PHACTR2: variants seen among roughly 807,000 people sequenced by gnomAD.
PHACTR2 encodes the protein chromosome 6 open reading frame 56.
Under a neutral mutation model 76.0 loss-of-function variants are expected in PHACTR2, and 30 were observed. That is an observed-to-expected ratio of 0.39 (90% confidence interval 0.30 to 0.54). PHACTR2 has a LOEUF of 0.54. Ranked by LOEUF, PHACTR2 falls within the 20% of genes least tolerant of loss-of-function variation. PHACTR2 has a pLI of 0.61. For synonymous variants in PHACTR2, 292 were observed against 292.5 expected (o/e 1.00, Z 0.02); for missense variants, 696 against 781.1 (o/e 0.89, Z 1.30).
In PHACTR2 at chr6:143,807,052, T is replaced by A. The variant is rs1260348156; in HGVS notation, c.1846-5T>A. ...TTCTGTTTATCTATTTTTTTTCCTG[T>A]TTAGGCAGCAATAAGGAAAGAACTA... On this transcript the variant is annotated splice_polypyrimidine_tract_variant and splice_region_variant and intron_variant, in intron 11 of 12. Transcript: ENST00000440869. This position sits in a 1 kb window ranked among gnomAD's most constrained non-coding sequence, Gnocchi z 5.5. 6.4e-7 allele frequency: 1 copy of A among 1,553,858 alleles called. No homozygotes were observed. The highest frequency in any genetic ancestry group is 1.1e-5 in the South Asian group (1 of 89,228).
At chr6:143,711,389 T>C (rs1778173661) in intron 1 of PHACTR2, among the ~76,000 whole-genome samples, 1 of 152,202 alleles carries the variant, frequency 6.6e-6, no homozygotes, top group African/African-American at 2.4e-5. Flanking sequence ...TTTCTTCTGA[T>C]TAATAAAATA....
At chr6:143,685,410 A>G (rs2128454401) in intron 1 of PHACTR2, among the ~76,000 whole-genome samples, 1 of 152,276 alleles carries the variant, frequency 6.6e-6, no homozygotes, top group East Asian at 1.9e-4. Context: ...ATAAGCAACC[A>G]CATAGGAAAA....
rs113322183 is a variant in PHACTR2 at position 143,783,980 on chromosome 6, C to G, written c.1707+700C>G. ...GACCAGCCTGGACAACATAGTGAGA[C>G]CTTGTTTCAAAAAAAAAGAATTAAT... On this transcript the variant is annotated intron_variant, in intron 10 of 12. Coordinates refer to ENST00000440869, the MANE Select transcript of PHACTR2 (RefSeq NM_001100164.2). This position sits in a 1 kb window ranked among gnomAD's most constrained non-coding sequence, Gnocchi z 5.2. Among the ~76,000 whole-genome samples the G allele has an allele frequency of 0.012, 1,849 of 150,038 alleles. 41 individuals are homozygous for G. The highest frequency in any genetic ancestry group is 0.044 in the African/African-American group (1,788 of 40,708).
rs899283133 is a variant in PHACTR2, at chr6:143,698,374, T to A, written c.47-13642T>A. Among the ~76,000 whole-genome samples the A allele has an allele frequency of 4.6e-5, 7 of 152,236 alleles. No homozygotes were observed. Among genetic ancestry groups the A allele is most frequent in the African/African-American group, 1.4e-4 (6 of 41,458 alleles). ...CATCATTATTATAAAATTATTTTTTTAAAAAGCAACTAGTGGAATTGTTTC... is the reference window on the plus strand; with the variant it reads ...CATCATTATTATAAAATTATTTTTTAAAAAAGCAACTAGTGGAATTGTTTC... On this transcript the variant is annotated intron_variant, in intron 1 of 12. Transcript: ENST00000440869. This position sits in a 1 kb window ranked among gnomAD's most constrained non-coding sequence, Gnocchi z 4.3.
rs1240147409 is a variant in PHACTR2, at chr6:143,822,638, T to C, written c.1923-1036T>C. Among the ~76,000 whole-genome samples the C allele has an allele frequency of 6.6e-6, 1 of 152,220 alleles. No individual in the cohort carries two copies. Among genetic ancestry groups the C allele is most frequent in the East Asian group, 1.9e-4 (1 of 5,196 alleles). ...GGGACAGGGAAACCAATTAGGAGAC[T>C]GGCTGACCAGAGCAGATGAGCATTC... On this transcript the variant is annotated intron_variant, in intron 12 of 12. Coordinates refer to ENST00000440869, the MANE Select transcript of PHACTR2 (RefSeq NM_001100164.2). The surrounding 1 kb of genome is among the most constrained non-coding windows in gnomAD (Gnocchi z 5.5).
At position 143,738,601 on chromosome 6, in the gene PHACTR2, C is replaced by G. The variant is rs950030163; in HGVS notation, c.215-10384C>G. ...CCCATCTCTTAAAAAAAATACAAAA[C>G]AAAAATTAGCTGGGCATGGTGGTGC... On this transcript the variant is annotated intron_variant, in intron 2 of 12. Coordinates refer to ENST00000440869, the MANE Select transcript of PHACTR2 (RefSeq NM_001100164.2). This position sits in a 1 kb window ranked among gnomAD's most constrained non-coding sequence, Gnocchi z 4.0. 6.6e-6 allele frequency among the ~76,000 whole-genome samples: 1 copy of G among 151,364 alleles called. No homozygotes were observed. The highest frequency in any genetic ancestry group is 2.4e-5 in the African/African-American group (1 of 41,188).
rs1454628487 is a variant in PHACTR2 at position 143,821,536 on chromosome 6, G to A, written c.1923-2138G>A. On this transcript the variant is annotated intron_variant, in intron 12 of 12. Transcript: ENST00000440869. This position sits in a 1 kb window ranked among gnomAD's most constrained non-coding sequence, Gnocchi z 5.2. The stretch of plus-strand genomic sequence containing the variant: ...TCATGATCCAATAGCAAAGGCACAT[G>A]TATCCAAAGATTATATAATGTAAGC... 6.6e-6 allele frequency among the ~76,000 whole-genome samples: 1 copy of A among 152,250 alleles called. No individual in the cohort carries two copies.
upstream of PHACTR2, among the ~76,000 whole-genome samples, chr6:143,603,411 CT>C (rs1775835120): frequency 6.8e-6 from 1 of 146,092 alleles, no homozygotes; most frequent in Non-Finnish European, 1.5e-5. Context: ...GTTGCTCTGC[CT>C]TAAAAAAAAA....
chr6:143,606,274 T>A (rs1775869173), upstream of PHACTR2, among the ~76,000 whole-genome samples: 1 of 152,190 alleles, frequency 6.6e-6, no homozygotes, highest in African/African-American at 2.4e-5. Context: ...ACAATATTTT[T>A]AAAACTTTCT....
chr6:143,787,539 G>A lies in PHACTR2; in HGVS notation c.1708-1234G>A, dbSNP rs191416316. Among the ~76,000 whole-genome samples, 36 of 152,324 alleles carry A rather than the reference G, an allele frequency of 2.4e-4. 1 individual carries two copies. The East Asian group carries it at 5.6e-3, about 24-fold the overall frequency. On this transcript the variant is annotated intron_variant, in intron 10 of 12. Coordinates refer to ENST00000440869, the MANE Select transcript of PHACTR2 (RefSeq NM_001100164.2). This position sits in a 1 kb window ranked among gnomAD's most constrained non-coding sequence, Gnocchi z 4.6. ...GTCCTTGAGTGCTTTGAATATTACA[G>A]TATTGGCTTAGTTCAGAAGGAAACT...
rs1188220795 is a variant in PHACTR2 at position 143,708,567 on chromosome 6, G to A, written c.47-3449G>A. 6.6e-6 allele frequency among the ~76,000 whole-genome samples: 1 copy of A among 152,158 alleles called. No homozygotes were observed. Among genetic ancestry groups the A allele is most frequent in the Non-Finnish European group, 1.5e-5 (1 of 68,032 alleles). Reference sequence around the variant, plus strand: ...CAGACTTACTGTGAAATAATTTATGGAAAGTTTCAAATGGATTTTAATGGA... The same window carrying A: ...CAGACTTACTGTGAAATAATTTATGAAAAGTTTCAAATGGATTTTAATGGA... On this transcript the variant is annotated intron_variant, in intron 1 of 12. Transcript: ENST00000440869. This position sits in a 1 kb window ranked among gnomAD's most constrained non-coding sequence, Gnocchi z 5.5.
At position 143,816,698 on chromosome 6, in the gene PHACTR2, A is replaced by T. The variant is rs1416912321; in HGVS notation, c.1923-6976A>T. 3.3e-5 allele frequency among the ~76,000 whole-genome samples: 5 copies of T among 152,124 alleles called. No individual in the cohort carries two copies. Among genetic ancestry groups the T allele is most frequent in the Non-Finnish European group, 5.9e-5 (4 of 68,024 alleles). ...TGGTGTGTGCAGGAAAAAAAAAAAA[A>T]TCTTACACTGTCCTCAGTTATTTTT... On this transcript the variant is annotated intron_variant, in intron 12 of 12. Coordinates refer to ENST00000440869, the MANE Select transcript of PHACTR2 (RefSeq NM_001100164.2). This position sits in a 1 kb window ranked among gnomAD's most constrained non-coding sequence, Gnocchi z 4.5.
rs992092065 is a variant in PHACTR2, at chr6:143,824,904, T to C, written c.*1215T>C. On this transcript the variant is annotated 3_prime_UTR_variant, in exon 13 of 13. Transcript: ENST00000440869. This position sits in a 1 kb window ranked among gnomAD's most constrained non-coding sequence, Gnocchi z 6.3. ...TTTAAGAATCTGCAGATGGCATCCA[T>C]AGATACAGTACAGTATTTACTGTCA... 6.6e-6 allele frequency: 1 copy of C among 152,584 alleles called. No homozygotes were observed. Among genetic ancestry groups the C allele is most frequent in the Admixed American group, 6.5e-5 (1 of 15,280 alleles). 9.5% of individuals were successfully genotyped at this position (152,584 alleles called of 1,614,324 possible). A position where few individuals can be genotyped will look rare whatever the true frequency, so the allele number is the denominator to read the frequency against.
chr6:143,579,546 G>A (rs990265409), intron 1 of PHACTR2, among the ~76,000 whole-genome samples: 3 of 151,820 alleles, frequency 2.0e-5, no homozygotes, highest in Admixed American at 6.6e-5. Flanking sequence ...AGAGGCGAGC[G>A]GACAGCTGTG....
Position 143,827,151 on chromosome 6 carries a change from AGAAAATATATATAT to A in PHACTR2, c.*3463_*3476del, listed in dbSNP as rs1776547862. 1 of 73,548 alleles carries A rather than the reference AGAAAATATATATAT, an allele frequency of 1.4e-5. No homozygotes were observed. The highest frequency in any genetic ancestry group is 1.6e-4 in the Admixed American group (1 of 6,350). The allele number at this position is 73,548 out of a possible 1,614,324, so 4.6% of individuals were successfully genotyped here. A position where few individuals can be genotyped will look rare whatever the true frequency, so the allele number is the denominator to read the frequency against. On this transcript the variant is annotated 3_prime_UTR_variant, in exon 13 of 13. Transcript: ENST00000440869. Reference sequence around the variant, plus strand: ...TTCAGGGCTGCGTTGGCATTAAAAAAGAAAATATATATATATATATATATATATATATATATATA... The same window carrying A: ...TTCAGGGCTGCGTTGGCATTAAAAAAATATATATATATATATATATATATA...
rs753886279 is a variant in PHACTR2, at chr6:143,711,130, C to T, written c.47-886C>T. On this transcript the variant is annotated intron_variant, in intron 1 of 12. Transcript: ENST00000440869. ...CCATCGTTGAGATAATTTCCATCAC[C>T]GCTATACGTTCCCTCAAGTTTCTTC... 58 of 466,808 alleles carry T rather than the reference C, an allele frequency of 1.2e-4. No individual in the cohort carries two copies. In the East Asian group the frequency reaches 1.5e-3, roughly 12 times the overall value. 28.9% of individuals were successfully genotyped at this position (466,808 alleles called of 1,614,324 possible).
intron 4 of PHACTR2, among the ~76,000 whole-genome samples, chr6:143,756,239 C>T (rs57100033): frequency 0.033 from 5,014 of 152,170 alleles, 278 homozygotes; most frequent in African/African-American, 0.11. Context: ...GTAGATTCCA[C>T]CCAGGCCCCC....
At chr6:143,587,630 G>T (rs1359555660) in intron 1 of PHACTR2, among the ~76,000 whole-genome samples, 1 of 152,136 alleles carries the variant, frequency 6.6e-6, no homozygotes, top group Admixed American at 6.5e-5. Flanking sequence ...AAATGAATGA[G>T]ATATTTAAAG....
rs1030922132 is a variant in PHACTR2 at position 143,750,447 on chromosome 6, C to A, written c.295+1382C>A. On this transcript the variant is annotated intron_variant, in intron 3 of 12. Transcript: ENST00000440869. This position sits in a 1 kb window ranked among gnomAD's most constrained non-coding sequence, Gnocchi z 4.6. The stretch of plus-strand genomic sequence containing the variant: ...TAATATACCCATTGAAAGCTTAACA[C>A]TGGGCCATCAGCTTTATGGGATGGG... Among the ~76,000 whole-genome samples, 1 of 152,176 alleles carries A rather than the reference C, an allele frequency of 6.6e-6. No homozygotes were observed. The highest frequency in any genetic ancestry group is 2.4e-5 in the African/African-American group (1 of 41,452).
Sources: allele counts gnomAD v4.1 joint callset (sites outside exome capture counted in the v4.1 genomes callset), GRCh38; gene constraint gnomAD v4.1.1; non-coding constraint Gnocchi (gnomAD v3.1); transcripts MANE v1.5; gene names NCBI Gene and HGNC (gene_info 2026-07-23, HGNC 2026-07-21).